NPIPB2: variants seen among roughly 807,000 people sequenced by gnomAD.
The protein encoded by NPIPB2 is nuclear pore complex-interacting protein family member B2.
Under a neutral mutation model 30.8 loss-of-function variants are expected in NPIPB2, and 27 were observed. The ratio of observed to expected loss-of-function variants is 0.88; its 90% CI spans 0.65 to 1.21. The LOEUF is 1.21. Ranked by LOEUF, NPIPB2 falls within the 50% of genes most tolerant of loss-of-function variation. The pLI, the probability that NPIPB2 is intolerant of heterozygous loss-of-function variation, is 0.00. For missense variants in NPIPB2, 440 were observed against 446.2 expected (o/e 0.99, Z 0.13); for synonymous variants, 147 against 162.0 (o/e 0.91, Z 0.70).
chr16:11,958,463 C>T (rs549781883), intron 1 of NPIPB2, among the ~76,000 whole-genome samples: 2 of 151,678 alleles, frequency 1.3e-5, no homozygotes, highest in Non-Finnish European at 1.5e-5. Context: ...GGCATGGTGG[C>T]TCATGCCTAT....
At chr16:11,972,022 TG>T (rs1196970135) in intron 1 of NPIPB2, among the ~76,000 whole-genome samples, 1 of 151,948 alleles carries the variant, frequency 6.6e-6, no homozygotes, top group African/African-American at 2.4e-5. Flanking sequence ...GGCAGGCACC[TG>T]TAATCCCAGC....
chr16:11,936,746 G>A (rs2150913218), intron 2 of NPIPB2, among the ~76,000 whole-genome samples: 2 of 144,930 alleles, frequency 1.4e-5, no homozygotes, highest in South Asian at 2.5e-4. Flanking sequence ...TTGCAAGTGG[G>A]AACATGCACT....
intron 2 of NPIPB2, among the ~76,000 whole-genome samples, chr16:11,934,590 G>T (rs1022936986): frequency 2.0e-5 from 3 of 150,768 alleles, no homozygotes; most frequent in Admixed American, 6.6e-5. Context: ...GCCAGGTGCG[G>T]TAGCTCACGC....
intron 1 of NPIPB2, among the ~76,000 whole-genome samples, chr16:11,949,045 C>T (rs541036320): frequency 4.6e-5 from 7 of 151,504 alleles, no homozygotes; most frequent in East Asian, 1.9e-4. Context: ...GTAAGGGAGG[C>T]GGCTGAGATG....
intron 2 of NPIPB2, among the ~76,000 whole-genome samples, chr16:11,934,720 A>G (rs1405194552): frequency 1.3e-5 from 2 of 150,220 alleles, no homozygotes; most frequent in Non-Finnish European, 3.0e-5. Context: ...TTAGCTGAGC[A>G]TGGTGATGCA....
chr16:11,965,099 C>A, intron 1 of NPIPB2: 1 of 573,554 alleles, frequency 1.7e-6, no homozygotes, highest in South Asian at 2.2e-5. Context: ...CTGTCTCTTA[C>A]CCCATCCAAG....
intron 1 of NPIPB2, among the ~76,000 whole-genome samples, chr16:11,950,851 CTGTA>C (rs1366116128): frequency 2.0e-5 from 3 of 152,112 alleles, no homozygotes; most frequent in African/African-American, 7.2e-5. Context: ...TCTTATTTCT[CTGTA>C]TGTTCTCAGC....
At chr16:11,970,580 G>C (rs1703503) in intron 1 of NPIPB2, among the ~76,000 whole-genome samples, 4 of 152,000 alleles carry the variant, frequency 2.6e-5, no homozygotes, top group African/African-American at 7.2e-5. Flanking sequence ...TTGTTGCCCA[G>C]GTTAGAGTGC....
chr16:11,959,209 G>T (rs975244953), intron 1 of NPIPB2, among the ~76,000 whole-genome samples: 4 of 151,972 alleles, frequency 2.6e-5, no homozygotes, highest in Admixed American at 6.6e-5. Flanking sequence ...GTCACGCAAG[G>T]GCAAACACAG....
intron 1 of NPIPB2, among the ~76,000 whole-genome samples, chr16:11,975,864 G>A (rs1266343538): frequency 6.6e-6 from 1 of 151,748 alleles, no homozygotes; most frequent in Non-Finnish European, 1.5e-5. Context: ...CATGCCTTGG[G>A]ATTACAGGCA....
rs11570163 is a variant in NPIPB2, at chr16:11,968,940, C to T, written c.-584+7628G>A. 1.0e-2 allele frequency among the ~76,000 whole-genome samples: 1,510 copies of T among 151,446 alleles called. 68 individuals carry two copies. Among genetic ancestry groups the T allele is most frequent in the Admixed American group, 0.091 (1,375 of 15,182 alleles). On this transcript the variant is annotated intron_variant, in intron 1 of 5. Coordinates refer to the NPIPB2 transcript ENST00000538896. ...GGAGTGCAGTGGCATGATCACAGCT[C>T]ACTACAACCTCCACCTCTCAGGTTC...
chr16:11,943,985 A>G (rs1279741571), upstream of NPIPB2, among the ~76,000 whole-genome samples: 2 of 67,112 alleles, frequency 3.0e-5, no homozygotes, highest in Non-Finnish European at 5.5e-5. Flanking sequence ...GTGACAGAGC[A>G]AGACTCTGTC....
upstream of NPIPB2, among the ~76,000 whole-genome samples, chr16:11,944,054 T>C (rs1018658015): frequency 6.8e-6 from 1 of 147,402 alleles, no homozygotes; most frequent in Admixed American, 6.8e-5. Flanking sequence ...GAGAGGAAGA[T>C]TAACAAATTG....
intron 4 of NPIPB2, among the ~76,000 whole-genome samples, chr16:11,931,833 A>G (rs1440711785): frequency 6.6e-6 from 1 of 152,108 alleles, no homozygotes; most frequent in Non-Finnish European, 1.5e-5. Context: ...CAGTAAACAG[A>G]CAAGAGGTGA....
intron 2 of NPIPB2, among the ~76,000 whole-genome samples, chr16:11,935,380 C>G (rs1046209246): frequency 2.0e-5 from 3 of 152,154 alleles, no homozygotes; most frequent in Non-Finnish European, 4.4e-5. Flanking sequence ...GTGGCGCTAC[C>G]TTGGCTCACG....
chr16:11,970,244 ACT>A (rs2055227895), intron 1 of NPIPB2, among the ~76,000 whole-genome samples: 1 of 149,274 alleles, frequency 6.7e-6, no homozygotes, highest in South Asian at 2.2e-4. Flanking sequence ...ATGAAGTCTC[ACT>A]CTGTCGCCCA....
chr16:11,938,169 C>A (rs1282428393), intron 1 of NPIPB2, among the ~76,000 whole-genome samples: 1 of 151,960 alleles, frequency 6.6e-6, no homozygotes, highest in African/African-American at 2.4e-5. Context: ...CAGGTCTCTG[C>A]CACCATGCCC....
intron 1 of NPIPB2, chr16:11,967,682 C>T (rs1202905041): frequency 6.2e-7 from 1 of 1,614,192 alleles, no homozygotes; most frequent in South Asian, 1.1e-5. Flanking sequence ...CCTGTGAAGA[C>T]TGCATCAAGA....
At chr16:11,948,765 T>TAA (rs2055035948) in intron 1 of NPIPB2, among the ~76,000 whole-genome samples, 1 of 6,636 alleles carries the variant, frequency 1.5e-4, no homozygotes. Context: ...AGACTCCGTC[T>TAA]CAAAAAAAAA....
Sources: gnomAD v4.1 joint callset for allele counts (sites outside exome capture counted in the v4.1 genomes callset) on GRCh38, gnomAD v4.1.1 for gene constraint, MANE v1.5 for transcripts, NCBI Gene and HGNC (gene_info 2026-07-23, HGNC 2026-07-21) for gene names.